RTKN2: variants seen among roughly 807,000 people sequenced by gnomAD.
RTKN2 encodes the protein rhotekin-2.
Under a neutral mutation model 71.5 loss-of-function variants are expected in RTKN2, and 69 were observed. That is an observed-to-expected ratio of 0.96 (90% CI 0.79 to 1.18). The LOEUF is 1.18. Among genes scored for constraint, RTKN2 ranks in the 50% most tolerant of loss-of-function variants. RTKN2 has a pLI of 0.00. For missense variants in RTKN2, 724 were observed against 719.7 expected (o/e 1.01, Z -0.07); for synonymous variants, 236 against 236.5 (o/e 1.00, Z 0.02).
At chr10:62,189,815 A>ATT (rs541079750), downstream of RTKN2, among the ~76,000 whole-genome samples, 4 of 142,416 alleles carry the variant, frequency 2.8e-5, no homozygotes, top group Non-Finnish European at 1.5e-5. Context: ...GGCAACAGAG[A>ATT]TTTTTTTTTT....
rs111760223 is a variant in RTKN2 at position 62,259,125 on chromosome 10, G to T, written c.257+3500C>A. On this transcript the variant is annotated intron_variant, in intron 2 of 11. Coordinates refer to ENST00000373789, the MANE Select transcript of RTKN2 (RefSeq NM_145307.4). ...TCATGATAGTGAGTAAGTCTCCCAAGATCTGATGGTTTTATAAAGGGCAGT... is the reference window on the plus strand; with the variant it reads ...TCATGATAGTGAGTAAGTCTCCCAATATCTGATGGTTTTATAAAGGGCAGT... 9.1e-3 allele frequency: 3,934 copies of T among 433,096 alleles called. 133 individuals are homozygous for T. The highest frequency in any genetic ancestry group is 0.075 in the African/African-American group (3,692 of 49,106). The allele number at this position is 433,096 out of a possible 1,614,324, so 26.8% of individuals were successfully genotyped here. A position where few individuals can be genotyped will look rare whatever the true frequency, so the allele number is the denominator to read the frequency against.
chr10:62,262,909 T>C, intron 1 of RTKN2, 88 bp from the exon 2 acceptor site: 3 of 718,722 alleles, frequency 4.2e-6, no homozygotes, highest in Middle Eastern at 3.7e-4. Flanking sequence ...ATCATAATTG[T>C]ATACCATATT....
In RTKN2 at chr10:62,194,405, T is replaced by C. The variant is rs1841282063; in HGVS notation, c.*3503A>G. On this transcript the variant is annotated 3_prime_UTR_variant, in exon 12 of 12. Transcript: ENST00000373789. ...AGGGGAAAATGTCAACTTTACATTATAATTTAAGACTAACAGTGAAGATGG... is the reference window on the plus strand; with the variant it reads ...AGGGGAAAATGTCAACTTTACATTACAATTTAAGACTAACAGTGAAGATGG... 2.0e-6 allele frequency: 2 copies of C among 981,256 alleles called. No homozygotes were observed. The highest frequency in any genetic ancestry group is 2.4e-6 in the Non-Finnish European group (2 of 826,114). The allele number at this position is 981,256 out of a possible 1,614,324, so 60.8% of individuals were successfully genotyped here.
intron 9 of RTKN2, among the ~76,000 whole-genome samples, chr10:62,207,801 GTATTGA>G (rs141311115): frequency 0.038 from 5,796 of 152,178 alleles, 160 homozygotes; most frequent in Non-Finnish European, 0.061. Flanking sequence ...AAAAAGTTTT[GTATTGA>G]TAGACCCAGA....
chr10:62,194,119 G>GTAT lies in RTKN2; in HGVS notation c.*3788_*3789insATA. On this transcript the variant is annotated 3_prime_UTR_variant, in exon 12 of 12. Coordinates refer to ENST00000373789, the MANE Select transcript of RTKN2 (RefSeq NM_145307.4). ...TGATATAATACTTTTTAATCCAAAA[G>GTAT]TCTGACCCATATTAAAAAATAAAAA... 1 of 979,232 alleles carries GTAT rather than the reference G, an allele frequency of 1.0e-6. No homozygotes were observed. The highest frequency in any genetic ancestry group is 1.2e-6 in the Non-Finnish European group (1 of 824,376). 60.7% of individuals were successfully genotyped at this position (979,232 alleles called of 1,614,324 possible). A position where few individuals can be genotyped will look rare whatever the true frequency, so the allele number is the denominator to read the frequency against.
In RTKN2 at chr10:62,197,068, T is replaced by C. The variant is rs950391646; in HGVS notation, c.*840A>G. ...TATTTACCATGGCCAACTTTTCTGA[T>C]ATTTTTGAATCTCTCATCTTCTTTT... On this transcript the variant is annotated 3_prime_UTR_variant, in exon 12 of 12. Transcript: ENST00000373789. The C allele has an allele frequency of 5.2e-5, 51 of 978,558 alleles. No homozygotes were observed. The highest frequency in any genetic ancestry group is 6.2e-5 in the Non-Finnish European group (51 of 823,804). 60.6% of individuals were successfully genotyped at this position (978,558 alleles called of 1,614,324 possible).
chr10:62,257,930 T>C lies in RTKN2; in HGVS notation c.257+4695A>G, dbSNP rs575888771. Among the ~76,000 whole-genome samples the C allele has an allele frequency of 7.2e-5, 11 of 152,336 alleles. No homozygotes were observed. In the South Asian group the frequency reaches 1.0e-3, roughly 14 times the overall value. On this transcript the variant is annotated intron_variant, in intron 2 of 11. Transcript: ENST00000373789. ...GAAAGGTTTTTACATCCTGACTCCA[T>C]TGGGAACTGTACAGAAGCCTGGGTA... is the stretch of plus-strand genomic sequence containing the variant.
chr10:62,212,378 T>C (rs1462139095), intron 9 of RTKN2, among the ~76,000 whole-genome samples: 1 of 148,786 alleles, frequency 6.7e-6, no homozygotes, highest in African/African-American at 2.5e-5. Flanking sequence ...CAAAAATAAA[T>C]AAATAAATAA....
intron 9 of RTKN2, among the ~76,000 whole-genome samples, chr10:62,216,466 T>C (rs752218814): frequency 4.6e-5 from 7 of 151,910 alleles, no homozygotes; most frequent in Non-Finnish European, 8.8e-5. Context: ...AAAGCTAAAT[T>C]TAAGACCGTG....
chr10:62,217,252 G>GAAAAA lies in RTKN2; in HGVS notation c.889-8_889-4dup. 11 of 1,287,178 alleles carry GAAAAA rather than the reference G, an allele frequency of 8.5e-6. No individual in the cohort carries two copies. The highest frequency in any genetic ancestry group is 8.3e-5 in the South Asian group (5 of 60,458). 79.7% of individuals were successfully genotyped at this position (1,287,178 alleles called of 1,614,324 possible). ...CTAATCAGACCTTCTACCATTTGCT[G>GAAAAA]AAAAAAAAAAAAAAAAAATCAAGAG... On this transcript the variant is annotated splice_region_variant and splice_polypyrimidine_tract_variant and intron_variant, in intron 8 of 11. Transcript: ENST00000373789.
chr10:62,241,100 A>G, intron 4 of RTKN2, 42 bp downstream of exon 4: 1 of 1,120,922 alleles, frequency 8.9e-7, no homozygotes. Flanking sequence ...TACACTACAT[A>G]CTAAAGAAAA....
At chr10:62,265,654 T>C (rs1302186918) in intron 1 of RTKN2, among the ~76,000 whole-genome samples, 2 of 151,212 alleles carry the variant, frequency 1.3e-5, no homozygotes, top group Non-Finnish European at 2.9e-5. Flanking sequence ...CACATCTACA[T>C]TTTACATGCA....
chr10:62,198,034 AT>A lies in RTKN2; in HGVS notation c.1703del (p.Asn568IlefsTer3). 6.2e-7 allele frequency: 1 copy of A among 1,613,982 alleles called. No homozygotes were observed. On this transcript the variant is annotated frameshift_variant, in exon 12 of 12. Transcript: ENST00000373789. LOFTEE classifies it high-confidence loss of function. Reference protein sequence around the residue: ...APRKLLPARRNRLSDGEHTDT... With the variant: ...APRKLLPARRXRLSDGEHTDT... ...CTGTGTGCTCACCATCACTTAATCT[AT>A]TTCTCCTGGCAGGCAGAAGTTTTCG...
In RTKN2 at chr10:62,230,561, T is replaced by C. The variant is rs147158037; in HGVS notation, c.686+5505A>G. On this transcript the variant is annotated intron_variant, in intron 6 of 11. Transcript: ENST00000373789. Reference sequence around the variant, plus strand: ...CTAGGAATCAACTGCATGCAAAGCATTGTCATACTTCATCTCTATGTGCAG... The same window carrying C: ...CTAGGAATCAACTGCATGCAAAGCACTGTCATACTTCATCTCTATGTGCAG... Among the ~76,000 whole-genome samples, 7 of 152,296 alleles carry C rather than the reference T, an allele frequency of 4.6e-5. No homozygotes were observed. The East Asian group carries it at 7.7e-4, about 17-fold the overall frequency.
intron 9 of RTKN2, among the ~76,000 whole-genome samples, chr10:62,213,724 A>T (rs989682448): frequency 6.6e-6 from 1 of 152,100 alleles, no homozygotes; most frequent in Non-Finnish European, 1.5e-5. Context: ...AAAAATATAG[A>T]TTTAATCAAA....
chr10:62,220,216 A>G (rs897775357), intron 7 of RTKN2, among the ~76,000 whole-genome samples: 1 of 152,248 alleles, frequency 6.6e-6, no homozygotes, highest in African/African-American at 2.4e-5. Context: ...AGAATAGTAC[A>G]CAACAATGTT....
intron 10 of RTKN2, among the ~76,000 whole-genome samples, chr10:62,204,034 T>G (rs556957859): frequency 7.2e-4 from 110 of 152,194 alleles, no homozygotes; most frequent in Non-Finnish European, 1.4e-3. Flanking sequence ...CCTAGGATTA[T>G]TTCCATGAGT....
chr10:62,186,818 T>C (rs570999137), intron 8 of RTKN2, among the ~76,000 whole-genome samples: 1 of 152,312 alleles, frequency 6.6e-6, no homozygotes, highest in African/African-American at 2.4e-5. Flanking sequence ...CATCCTCAGA[T>C]GCCCAGGCAA....
chr10:62,193,217 T>C lies in RTKN2; in HGVS notation c.*4691A>G. 1.1e-6 allele frequency: 1 copy of C among 900,228 alleles called. No homozygotes were observed. The highest frequency in any genetic ancestry group is 5.1e-5 in the South Asian group (1 of 19,506). The allele number at this position is 900,228 out of a possible 1,614,324, so 55.8% of individuals were successfully genotyped here. A position where few individuals can be genotyped will look rare whatever the true frequency, so the allele number is the denominator to read the frequency against. ...TATTCATTTTCAACAAAACAATTTA[T>C]TTTGATATCTTGAACCATCTGACAT... On this transcript the variant is annotated 3_prime_UTR_variant, in exon 12 of 12. Coordinates refer to ENST00000373789, the MANE Select transcript of RTKN2 (RefSeq NM_145307.4).
Sources: allele counts gnomAD v4.1 joint callset (sites outside exome capture counted in the v4.1 genomes callset), GRCh38; gene constraint gnomAD v4.1.1; transcripts MANE v1.5; gene names NCBI Gene and HGNC (gene_info 2026-07-23, HGNC 2026-07-21).